The following ALG5 variants were observed in gnomAD, a reference collection of about 807,000 sequenced individuals.
The protein encoded by ALG5 is dolichyl-phosphate beta-glucosyltransferase.
Under a neutral mutation model 51.8 loss-of-function variants are expected in ALG5, and 26 were observed. The ratio of observed to expected loss-of-function variants is 0.50; its 90% CI spans 0.37 to 0.70. The LOEUF (loss-of-function observed/expected upper bound fraction) is 0.70. Ranked by LOEUF, ALG5 falls within the 30% of genes least tolerant of loss-of-function variation. The pLI is 0.00. For missense variants in ALG5, 311 were observed against 399.3 expected, an observed-to-expected ratio of 0.78 and a Z score of 1.88; for synonymous variants, 141 against 136.1, an observed-to-expected ratio of 1.04 and a Z score of -0.25.
intron 3 of ALG5, among the ~76,000 whole-genome samples, chr13:36,994,663 A>C (rs1190758621): frequency 6.9e-6 from 1 of 144,406 alleles, no homozygotes; most frequent in Non-Finnish European, 1.5e-5. Context: ...AAAAGTAAAA[A>C]CAGCATTGTG....
At chr13:36,997,500 GA>G (rs2059056949) in intron 1 of ALG5, among the ~76,000 whole-genome samples, 2 of 141,774 alleles carry the variant, frequency 1.4e-5, no homozygotes, top group South Asian at 2.3e-4. Context: ...ACAAGGAAAA[GA>G]AAAAAAGGGG....
At chr13:36,960,722 A>G (rs2058862427) in intron 8 of ALG5, among the ~76,000 whole-genome samples, 1 of 150,732 alleles carries the variant, frequency 6.6e-6, no homozygotes, top group Non-Finnish European at 1.5e-5. Context: ...CTTGCCTGCA[A>G]TCTCCACCTC....
intron 6 of ALG5, among the ~76,000 whole-genome samples, chr13:36,972,438 A>T (rs902440701): frequency 1.2e-4 from 18 of 152,194 alleles, no homozygotes; most frequent in African/African-American, 4.3e-4. Context: ...AAGAATTTTA[A>T]AAGATGAGTA....
rs574164618 is a variant in ALG5 at position 36,966,676 on chromosome 13, CTTT to C, written c.622-953_622-951del. 3.8e-4 allele frequency among the ~76,000 whole-genome samples: 58 copies of C among 152,222 alleles called. 2 individuals are homozygous for C. In the South Asian group the frequency reaches 0.012, roughly 32 times the overall value. On this transcript the variant is annotated intron_variant, in intron 7 of 9. Coordinates refer to ENST00000239891, the MANE Select transcript of ALG5 (RefSeq NM_013338.5). The stretch of plus-strand genomic sequence containing the variant: ...AGGCGTGTGCCACTATACCCAGCTT[CTTT>C]AAGACACGATCTTTTAAAATGTTCC...
chr13:36,966,872 A>G (rs747947270), intron 7 of ALG5, among the ~76,000 whole-genome samples: 1 of 152,134 alleles, frequency 6.6e-6, no homozygotes. Flanking sequence ...CTTCCTTTGC[A>G]TGGCTTTTTC....
chr13:36,971,978 T>C lies in ALG5; in HGVS notation c.620A>G (p.Gln207Arg). The change falls in exon 7 of 10, where the codon CAG (glutamine) becomes CGG (arginine). Residue 207 changes from glutamine to arginine, a missense_variant and splice_region_variant. Physicochemically the swap from Gln to Arg is conservative, Grantham distance 43 (BLOSUM62 1). Coordinates refer to ENST00000239891, the MANE Select transcript of ALG5 (RefSeq NM_013338.5). The part of the protein sequence containing the change: ...RAHLEKESIA[Q>R]RSYFRTLLMY... Reference sequence around the variant, plus strand: ...CCATGCCAATTAATGAAGTCTCACCTGAGCAATTGATTCTTTTTCTAAATG... The same window carrying C: ...CCATGCCAATTAATGAAGTCTCACCCGAGCAATTGATTCTTTTTCTAAATG... 1.2e-6 allele frequency: 2 copies of C among 1,604,396 alleles called. No homozygotes were observed. Among genetic ancestry groups the C allele is most frequent in the Non-Finnish European group, 1.7e-6 (2 of 1,174,704 alleles).
Position 36,999,223 on chromosome 13 carries a change from C to T in ALG5, c.66+12G>A. 2.5e-6 allele frequency: 4 copies of T among 1,571,442 alleles called. No individual in the cohort carries two copies. The highest frequency in any genetic ancestry group is 2.3e-5 in the South Asian group (2 of 86,768). Reference sequence around the variant, plus strand: ...AGCCCCGGCCTGCGCGGGTTCCCATCCCTGTTCTCACCAGTACGAGGGCTG... The same window carrying T: ...AGCCCCGGCCTGCGCGGGTTCCCATTCCTGTTCTCACCAGTACGAGGGCTG... On this transcript the variant is annotated intron_variant, in intron 1 of 9. Coordinates refer to ENST00000239891, the MANE Select transcript of ALG5 (RefSeq NM_013338.5).
intron 7 of ALG5, among the ~76,000 whole-genome samples, chr13:36,971,421 C>T (rs1026313011): frequency 5.3e-5 from 8 of 151,860 alleles, no homozygotes; most frequent in African/African-American, 1.5e-4. Context: ...CTGAGGCAGG[C>T]GGATTACCTG....
intron 6 of ALG5, among the ~76,000 whole-genome samples, chr13:36,974,863 A>C (rs751639252): frequency 6.6e-6 from 1 of 152,296 alleles, no homozygotes; most frequent in Non-Finnish European, 1.5e-5. Context: ...ACATATTTCA[A>C]ATTTGCCCAA....
At chr13:36,964,976 G>A (rs1483692370) in intron 8 of ALG5, among the ~76,000 whole-genome samples, 1 of 151,656 alleles carries the variant, frequency 6.6e-6, no homozygotes, top group African/African-American at 2.4e-5. Context: ...AAGGTGGGGT[G>A]AGGAGTGAGT....
chr13:36,972,343 G>T (rs1198736989), intron 6 of ALG5, among the ~76,000 whole-genome samples: 1 of 152,090 alleles, frequency 6.6e-6, no homozygotes, highest in Non-Finnish European at 1.5e-5. Flanking sequence ...TTAGTGGTAT[G>T]AGAAAGAAAA....
rs146902400 is a variant in ALG5, at chr13:36,999,265, G to A, written c.36C>T (p.Gly12=). 521 of 1,580,564 alleles carry A rather than the reference G, an allele frequency of 3.3e-4. No individual in the cohort carries two copies. The African/African-American group carries it at 5.6e-3, about 17-fold the overall frequency. ...CGAGGGCTGCGGCCGCCAGCGCCGC[G>A]CCGAGCACCGCCAGCTGCAACAGAA... ...APLLLQLAVL[G]AALAAAALVL... The change falls in exon 1 of 10, where the codon GGC becomes GGT. Residue 12 remains glycine (G), a synonymous_variant. Coordinates refer to ENST00000239891, the MANE Select transcript of ALG5 (RefSeq NM_013338.5).
At chr13:36,966,745 C>T (rs1272558502) in intron 7 of ALG5, among the ~76,000 whole-genome samples, 1 of 152,206 alleles carries the variant, frequency 6.6e-6, no homozygotes, top group Non-Finnish European at 1.5e-5. Flanking sequence ...GCGTTACTTA[C>T]ATACATAAGC....
At chr13:36,960,816 A>AT (rs1023289789) in intron 8 of ALG5, among the ~76,000 whole-genome samples, 10 of 148,376 alleles carry the variant, frequency 6.7e-5, no homozygotes, top group South Asian at 4.3e-4. Context: ...TAATTTTTGT[A>AT]TTTTTTTTTG....
intron 9 of ALG5, among the ~76,000 whole-genome samples, chr13:36,951,712 A>G (rs1264363835): frequency 1.3e-5 from 2 of 152,226 alleles, no homozygotes; most frequent in East Asian, 1.9e-4. Context: ...GGATCTTTAT[A>G]CTTTTGGATA....
At chr13:36,986,305 G>A (rs1031236991) in intron 5 of ALG5, among the ~76,000 whole-genome samples, 4 of 152,040 alleles carry the variant, frequency 2.6e-5, no homozygotes, top group Non-Finnish European at 4.4e-5. Flanking sequence ...TGCCATTTGC[G>A]GTATTTGAAA....
At chr13:36,963,952 T>C (rs1033230816) in intron 8 of ALG5, among the ~76,000 whole-genome samples, 30 of 152,312 alleles carry the variant, frequency 2.0e-4, no homozygotes, top group Admixed American at 4.6e-4. Flanking sequence ...TGATATTAGA[T>C]AGTGGGATAT....
Position 36,958,196 on chromosome 13 carries a change from G to A in ALG5, c.774-5597C>T, listed in dbSNP as rs188160629. 4.1e-3 allele frequency among the ~76,000 whole-genome samples: 623 copies of A among 151,414 alleles called. 5 individuals carry two copies. Among genetic ancestry groups the A allele is most frequent in the African/African-American group, 0.015 (606 of 41,218 alleles). On this transcript the variant is annotated intron_variant, in intron 8 of 9. Transcript: ENST00000239891. ...TCTCTTACCCCCTTTCACTCTCACC[G>A]CACCCCCTCCATGCCGCTGTACCAC...
chr13:36,968,938 G>A (rs2058907997), intron 7 of ALG5, among the ~76,000 whole-genome samples: 1 of 152,200 alleles, frequency 6.6e-6, no homozygotes, highest in Non-Finnish European at 1.5e-5. Flanking sequence ...AGCATCTGCA[G>A]CGGACAACCA....
Sources: gnomAD v4.1 joint callset for allele counts (sites outside exome capture counted in the v4.1 genomes callset) on GRCh38, gnomAD v4.1.1 for gene constraint, MANE v1.5 for transcripts, NCBI Gene and HGNC (gene_info 2026-07-23, HGNC 2026-07-21) for gene names.